RPS6KC1: variants seen among roughly 807,000 people sequenced by gnomAD.
The protein encoded by RPS6KC1 is ribosomal protein S6 kinase C1.
Under a neutral mutation model 103.8 loss-of-function variants are expected in RPS6KC1, and 54 were observed. The observed-to-expected ratio is 0.52, with a 90% CI of 0.42 to 0.65. The LOEUF (loss-of-function observed/expected upper bound fraction) is 0.65. Ranked by LOEUF, RPS6KC1 falls within the 30% of genes least tolerant of loss-of-function variation. RPS6KC1 has a pLI of 0.00. For missense variants in RPS6KC1, 1,151 were observed against 1,253.8 expected (o/e 0.92, Z 1.24); for synonymous variants, 439 against 438.7 (o/e 1.00, Z -0.01).
chr1:213,332,275 G>A, the RPS6KC1 span, among the ~76,000 whole-genome samples: 1 of 152,158 alleles, frequency 6.6e-6, no homozygotes, highest in Non-Finnish European at 1.5e-5. Flanking sequence ...CCAAACTTTG[G>A]TTGAATTCAG....
chr1:213,523,371 GAC>G, the RPS6KC1 span, among the ~76,000 whole-genome samples: 1 of 152,180 alleles, frequency 6.6e-6, no homozygotes, highest in Admixed American at 6.5e-5. Flanking sequence ...ATCAAAACAT[GAC>G]ACAGAGACAT....
the RPS6KC1 span, among the ~76,000 whole-genome samples, chr1:213,836,784 G>A: frequency 2.0e-5 from 3 of 151,982 alleles, no homozygotes; most frequent in Middle Eastern, 3.4e-3. Flanking sequence ...GAAATTATAT[G>A]TGCTCAGAAC....
the RPS6KC1 span, among the ~76,000 whole-genome samples, chr1:213,791,721 G>T: frequency 1.3e-5 from 2 of 152,104 alleles, no homozygotes; most frequent in African/African-American, 4.8e-5. Flanking sequence ...ACTTACTCTA[G>T]CTTCATAACA....
the RPS6KC1 span, among the ~76,000 whole-genome samples, chr1:213,466,849 A>G: frequency 6.6e-6 from 1 of 152,062 alleles, no homozygotes. Flanking sequence ...TTGCTTTCAT[A>G]TGTGAAGATG....
chr1:213,520,455 G>C, the RPS6KC1 span, among the ~76,000 whole-genome samples: 1 of 152,174 alleles, frequency 6.6e-6, no homozygotes, highest in Non-Finnish European at 1.5e-5. Context: ...GGAATTGTGA[G>C]AGCTACAATT....
At chr1:213,323,517 A>G in the RPS6KC1 span, among the ~76,000 whole-genome samples, 1 of 152,098 alleles carries the variant, frequency 6.6e-6, no homozygotes, top group African/African-American at 2.4e-5. Flanking sequence ...CCTTTCCGTG[A>G]TCATTTCAAC....
At chr1:213,338,938 C>A in the RPS6KC1 span, among the ~76,000 whole-genome samples, 4 of 152,178 alleles carry the variant, frequency 2.6e-5, no homozygotes, top group South Asian at 8.3e-4. Context: ...ATGCTTCCCA[C>A]GCTGAACAGA....
chr1:213,579,423 C>A, the RPS6KC1 span, among the ~76,000 whole-genome samples: 1 of 152,026 alleles, frequency 6.6e-6, no homozygotes, highest in South Asian at 2.1e-4. Flanking sequence ...AAAGAAGCCA[C>A]CTCTATAACA....
chr1:213,501,632 G>A, the RPS6KC1 span, among the ~76,000 whole-genome samples: 1 of 151,920 alleles, frequency 6.6e-6, no homozygotes, highest in South Asian at 2.1e-4. Context: ...CTATTTGGGA[G>A]GCTGAGGCAT....
chr1:213,253,449 G>A (rs953505421), intron 12 of RPS6KC1, among the ~76,000 whole-genome samples: 1 of 152,106 alleles, frequency 6.6e-6, no homozygotes, highest in East Asian at 1.9e-4. Context: ...GATATTGAAG[G>A]CCCCACAATT....
the RPS6KC1 span, among the ~76,000 whole-genome samples, chr1:213,474,202 G>A: frequency 1.3e-5 from 2 of 152,100 alleles, no homozygotes; most frequent in African/African-American, 4.8e-5. Context: ...GCTCCTATCG[G>A]TCTGCCTGGG....
At chr1:213,148,973 A>C (rs1221147817) in intron 6 of RPS6KC1, among the ~76,000 whole-genome samples, 2 of 152,146 alleles carry the variant, frequency 1.3e-5, no homozygotes, top group African/African-American at 4.8e-5. Flanking sequence ...ATAGTTGCAC[A>C]TATTAGCTAC....
chr1:213,694,064 A>G, the RPS6KC1 span, among the ~76,000 whole-genome samples: 67,412 of 152,136 alleles, frequency 0.44, 17,608 homozygotes, highest in East Asian at 0.67. Flanking sequence ...TCTTCACAAT[A>G]AGCATGAGTG....
the RPS6KC1 span, among the ~76,000 whole-genome samples, chr1:213,520,528 C>T: frequency 2.0e-5 from 3 of 152,300 alleles, no homozygotes; most frequent in South Asian, 4.1e-4. Context: ...TGGAGGGACA[C>T]ATGGGTAAGA....
At chr1:213,466,816 T>C in the RPS6KC1 span, among the ~76,000 whole-genome samples, 1 of 152,122 alleles carries the variant, frequency 6.6e-6, no homozygotes, top group African/African-American at 2.4e-5. Flanking sequence ...GTATGGGCTG[T>C]GGTTTTTCTG....
At chr1:213,652,268 T>C in the RPS6KC1 span, among the ~76,000 whole-genome samples, 1 of 152,202 alleles carries the variant, frequency 6.6e-6, no homozygotes, top group Non-Finnish European at 1.5e-5. Flanking sequence ...TTTACATATG[T>C]TAACTTTAAT....
the RPS6KC1 span, among the ~76,000 whole-genome samples, chr1:213,282,937 A>G: frequency 2.0e-5 from 3 of 152,210 alleles, no homozygotes; most frequent in Non-Finnish European, 4.4e-5. Flanking sequence ...GTGTTTTACA[A>G]ATGGAGAAAC....
chr1:213,610,879 C>G, the RPS6KC1 span, among the ~76,000 whole-genome samples: 1 of 152,202 alleles, frequency 6.6e-6, no homozygotes, highest in Non-Finnish European at 1.5e-5. Flanking sequence ...CTCGCAGGAA[C>G]AATGAAGACC....
chr1:213,798,347 A>G, the RPS6KC1 span, among the ~76,000 whole-genome samples: 1 of 152,198 alleles, frequency 6.6e-6, no homozygotes, highest in African/African-American at 2.4e-5. Flanking sequence ...TTCCACAAAA[A>G]TCTGCTTCAG....
Sources: allele counts gnomAD v4.1 joint callset (sites outside exome capture counted in the v4.1 genomes callset), GRCh38; gene constraint gnomAD v4.1.1; transcripts MANE v1.5; gene names NCBI Gene and HGNC (gene_info 2026-07-23, HGNC 2026-07-21).